Variants in ASIC2 observed in about 807,000 individuals in gnomAD.
ASIC2 encodes acid-sensing ion channel 2.
ASIC2 carries 25 observed loss-of-function variants against 57.3 expected under a neutral mutation model. The observed-to-expected ratio is 0.44, with a 90% CI of 0.32 to 0.61. The LOEUF (loss-of-function observed/expected upper bound fraction) is 0.61, where lower values mean the gene tolerates loss of function less well. Ranked by LOEUF, ASIC2 falls within the 20% of genes least tolerant of loss-of-function variation. The pLI is 0.06. For missense variants in ASIC2, 641 were observed against 738.1 expected, an observed-to-expected ratio of 0.87 and a Z score of 1.52; for synonymous variants, 319 against 307.5, an observed-to-expected ratio of 1.04 and a Z score of -0.39.
intron 1 of ASIC2, among the ~76,000 whole-genome samples, chr17:33,320,427 CTA>C (rs1906824106): frequency 6.6e-6 from 1 of 152,152 alleles, no homozygotes. Flanking sequence ...GCTTCCCACA[CTA>C]TCTCAGCCCA....
At chr17:33,311,891 T>C (rs1025338767) in intron 1 of ASIC2, among the ~76,000 whole-genome samples, 1 of 152,168 alleles carries the variant, frequency 6.6e-6, no homozygotes, top group Non-Finnish European at 1.5e-5. Context: ...TCTCAGCAAA[T>C]GGCTCCACCA....
chr17:33,461,906 TG>T (rs1433573785), intron 1 of ASIC2, among the ~76,000 whole-genome samples: 2 of 152,202 alleles, frequency 1.3e-5, no homozygotes, highest in African/African-American at 4.8e-5. Flanking sequence ...AACCATCTAT[TG>T]ATCCATCCGC....
intron 1 of ASIC2, among the ~76,000 whole-genome samples, chr17:33,151,458 C>CTCT (rs750348286): frequency 5.2e-4 from 41 of 79,166 alleles, no homozygotes; most frequent in Non-Finnish European, 9.4e-4. Flanking sequence ...TTAGAAAGTT[C>CTCT]TCTTGTGGTT....
At chr17:33,928,314 G>A (rs1022240074) in intron 1 of ASIC2, among the ~76,000 whole-genome samples, 1 of 152,192 alleles carries the variant, frequency 6.6e-6, no homozygotes, top group Non-Finnish European at 1.5e-5. Flanking sequence ...TAGTGTCCTG[G>A]TACGGCAGGG....
intron 1 of ASIC2, among the ~76,000 whole-genome samples, chr17:34,032,528 TA>T (rs1480560390): frequency 2.0e-5 from 3 of 152,300 alleles, no homozygotes; most frequent in African/African-American, 2.4e-5. Flanking sequence ...ACTTTAAATG[TA>T]AATGGGCTAA....
At chr17:33,146,289 G>A (rs1200618609) in intron 1 of ASIC2, among the ~76,000 whole-genome samples, 4 of 152,168 alleles carry the variant, frequency 2.6e-5, no homozygotes, top group African/African-American at 9.7e-5. Context: ...TTTGGGGCTT[G>A]GAAAGCATCT....
chr17:33,801,149 G>A (rs555272332), intron 1 of ASIC2, among the ~76,000 whole-genome samples: 1 of 152,134 alleles, frequency 6.6e-6, no homozygotes. Context: ...CTTGAAGCTG[G>A]TATCATTCAC....
At chr17:33,290,961 C>CG (rs768512754) in intron 1 of ASIC2, 1 of 124,482 alleles carries the variant, frequency 8.0e-6, no homozygotes, top group Non-Finnish European at 1.6e-5. Flanking sequence ...CAAGCGCTTC[C>CG]TTTTTTTTTT....
At chr17:33,726,848 T>G (rs571622531) in intron 1 of ASIC2, among the ~76,000 whole-genome samples, 1 of 152,364 alleles carries the variant, frequency 6.6e-6, no homozygotes, top group African/African-American at 2.4e-5. Context: ...GATCTGATTA[T>G]AGACACCTCA....
At position 33,693,858 on chromosome 17, in the gene ASIC2, T is replaced by C. The variant is rs143608644; in HGVS notation, c.555+462120A>G. Reference sequence around the variant, plus strand: ...TTTGTTTTGAGAGATAGAACAGTGATAGGAGAGGGCTCTAGAATAGATGTC... The same window carrying C: ...TTTGTTTTGAGAGATAGAACAGTGACAGGAGAGGGCTCTAGAATAGATGTC... On this transcript the variant is annotated intron_variant, in intron 1 of 9. Coordinates refer to the ASIC2 transcript ENST00000359872. Among the ~76,000 whole-genome samples the C allele has an allele frequency of 1.6e-4, 24 of 152,296 alleles. No homozygotes were observed. In the East Asian group the frequency reaches 4.6e-3, roughly 29 times the overall value.
chr17:33,938,946 C>T (rs373649014), intron 1 of ASIC2, among the ~76,000 whole-genome samples: 7 of 152,224 alleles, frequency 4.6e-5, no homozygotes, highest in South Asian at 4.1e-4. Flanking sequence ...CCCCATTGAC[C>T]GGGGTCAATA....
chr17:33,108,185 G>T (rs2092242703), intron 2 of ASIC2, among the ~76,000 whole-genome samples: 1 of 152,202 alleles, frequency 6.6e-6, no homozygotes, highest in Non-Finnish European at 1.5e-5. Context: ...GAAGAGCTGG[G>T]ATGGGGTCTT....
intron 1 of ASIC2, among the ~76,000 whole-genome samples, chr17:33,574,304 G>A (rs1161542293): frequency 6.6e-6 from 1 of 152,004 alleles, no homozygotes; most frequent in Non-Finnish European, 1.5e-5. Context: ...CACCAGGCAG[G>A]GTGTATTTCA....
intron 1 of ASIC2, among the ~76,000 whole-genome samples, chr17:33,644,219 T>C (rs1278233381): frequency 6.6e-6 from 1 of 152,236 alleles, no homozygotes; most frequent in Non-Finnish European, 1.5e-5. Context: ...TGTTAACGTG[T>C]GCCTCCAATA....
chr17:33,971,331 C>T (rs1216704922), intron 1 of ASIC2, among the ~76,000 whole-genome samples: 1 of 152,108 alleles, frequency 6.6e-6, no homozygotes, highest in Non-Finnish European at 1.5e-5. Flanking sequence ...TGGCCTGGCC[C>T]CTGCTGCAAC....
chr17:34,135,975 C>T (rs1912116875), intron 1 of ASIC2, among the ~76,000 whole-genome samples: 1 of 152,096 alleles, frequency 6.6e-6, no homozygotes, highest in African/African-American at 2.4e-5. Flanking sequence ...AGCACCCCCA[C>T]CAACTGAATG....
chr17:33,920,842 C>A (rs1335630202), intron 1 of ASIC2, among the ~76,000 whole-genome samples: 2 of 152,164 alleles, frequency 1.3e-5, no homozygotes, highest in Admixed American at 6.5e-5. Context: ...GAGCCCCCAC[C>A]ACACAACATC....
chr17:33,266,636 A>C (rs1181110912), intron 1 of ASIC2, among the ~76,000 whole-genome samples: 1 of 146,366 alleles, frequency 6.8e-6, no homozygotes, highest in African/African-American at 2.5e-5. Context: ...CCATCCGCAC[A>C]ACCGTGGCTG....
chr17:33,844,575 G>A (rs1036513263), intron 1 of ASIC2, among the ~76,000 whole-genome samples: 2 of 152,256 alleles, frequency 1.3e-5, no homozygotes, highest in African/African-American at 4.8e-5. Context: ...TAGGTCAGGT[G>A]AGCATATGAA....
Sources: allele counts gnomAD v4.1 joint callset (sites outside exome capture counted in the v4.1 genomes callset), GRCh38; gene constraint gnomAD v4.1.1; transcripts MANE v1.5; gene names NCBI Gene and HGNC (gene_info 2026-07-23, HGNC 2026-07-21).